The following CELSR3 variants were observed in gnomAD, a reference collection of about 807,000 sequenced individuals.
The protein encoded by CELSR3 is EGF-like protein 1.
In CELSR3, 73 loss-of-function variants were observed where a neutral mutation model predicts 270.0. The observed-to-expected ratio is 0.27, with a 90% CI of 0.22 to 0.33. The LOEUF is 0.33. Among genes scored for constraint, CELSR3 ranks in the 10% least tolerant of loss-of-function variants. The probability of loss-of-function intolerance (pLI) is 1.00; values close to 1 mark genes in which losing one functional copy is unlikely to be tolerated. For synonymous variants in CELSR3, 1,780 were observed against 1,905.4 expected (o/e 0.93, Z 1.71); for missense variants, 3,614 against 4,533.8 (o/e 0.80, Z 5.83).
Position 48,651,492 on chromosome 3 carries a change from A to T in CELSR3, c.6066-13T>A, listed in dbSNP as rs752559636. 1 of 1,613,364 alleles carries T rather than the reference A, an allele frequency of 6.2e-7. No homozygotes were observed. The highest frequency in any genetic ancestry group is 8.5e-7 in the Non-Finnish European group (1 of 1,179,698). ...CTGCTGGTCCATCCTGGGGGTGCAG[A>T]GCCAGGTAAGATGCCTCCACGGTAT... On this transcript the variant is annotated splice_polypyrimidine_tract_variant and intron_variant, in intron 13 of 34. Transcript: ENST00000164024. This position sits in a 1 kb window ranked among gnomAD's most constrained non-coding sequence, Gnocchi z 7.4.
chr3:48,660,606 C>G lies in CELSR3; in HGVS notation c.2029G>C (p.Asp677His). 1 of 1,614,174 alleles carries G rather than the reference C, an allele frequency of 6.2e-7. No individual in the cohort carries two copies. The highest frequency in any genetic ancestry group is 8.5e-7 in the Non-Finnish European group (1 of 1,180,030). Residue 677 changes from aspartate to histidine, a missense_variant, in exon 1 of 35, where the codon GAT becomes CAT. Transcript: ENST00000164024. The surrounding 1 kb of genome is among the most constrained non-coding windows in gnomAD (Gnocchi z 5.5). ...CTGGCATTCTCCCCATGGTCTGCATCGACTGCCTGAATGTGGATGACTGAG... is the reference window on the plus strand; with the variant it reads ...CTGGCATTCTCCCCATGGTCTGCATGGACTGCCTGAATGTGGATGACTGAG... ...GHSVIHIQAV[D>H]ADHGENARLE... is the part of the protein sequence containing the mutation.
chr3:48,645,931 T>A lies in CELSR3; in HGVS notation c.7464-63A>T. ...GTGTCAGGCAGGGGTTTGTGAGAGA[T>A]CATGGGAAGGGCTGAGGGTGCCTGG... On this transcript the variant is annotated intron_variant, in intron 22 of 34. Transcript: ENST00000164024. The surrounding 1 kb of genome is among the most constrained non-coding windows in gnomAD (Gnocchi z 5.4). The A allele has an allele frequency of 6.3e-7, 1 of 1,576,340 alleles. No individual in the cohort carries two copies. The highest frequency in any genetic ancestry group is 8.6e-7 in the Non-Finnish European group (1 of 1,158,146).
Position 48,640,754 on chromosome 3 carries a change from A to G in CELSR3, c.9026-195T>C. 2.5e-6 allele frequency: 1 copy of G among 399,774 alleles called. No individual in the cohort carries two copies. The highest frequency in any genetic ancestry group is 3.0e-5 in the South Asian group (1 of 33,220). The allele number at this position is 399,774 out of a possible 1,614,324, so 24.8% of individuals were successfully genotyped here. The stretch of plus-strand genomic sequence containing the variant: ...AGGACAGGGGTCAGAGTGGAAGGGC[A>G]GTCATCTTCCAGTTGTGGTCCCGGG... On this transcript the variant is annotated intron_variant, in intron 33 of 34. Coordinates refer to ENST00000164024, the MANE Select transcript of CELSR3 (RefSeq NM_001407.3). The surrounding 1 kb of genome is among the most constrained non-coding windows in gnomAD (Gnocchi z 7.5).
At position 48,661,879 on chromosome 3, in the gene CELSR3, C is replaced by T. The variant is rs751477475; in HGVS notation, c.756G>A (p.Ala252=). The part of the protein sequence containing the change: ...GPELDSAPRT[A]RTAPASGSAP... The stretch of plus-strand genomic sequence containing the variant: ...CTGAACCTGATGCAGGAGCTGTCCT[C>T]GCCGTGCGTGGTGCTGAATCCAGCT... The change falls in exon 1 of 35, where the codon GCG becomes GCA. Residue 252 remains alanine, a synonymous_variant. Coordinates refer to ENST00000164024, the MANE Select transcript of CELSR3 (RefSeq NM_001407.3). 17 of 1,611,130 alleles carry T rather than the reference C, an allele frequency of 1.1e-5. No homozygotes were observed. The highest frequency in any genetic ancestry group is 1.0e-5 in the Non-Finnish European group (12 of 1,179,640).
Position 48,644,694 on chromosome 3 carries a change from G to A in CELSR3, c.8085+22C>T, listed in dbSNP as rs1326050654. The stretch of plus-strand genomic sequence containing the variant: ...AATGAGGGAGGGAAGTACAGAGGGG[G>A]CACCAAGTCCAGGGCACTCACCACT... On this transcript the variant is annotated intron_variant, in intron 26 of 34. Transcript: ENST00000164024. The surrounding 1 kb of genome is among the most constrained non-coding windows in gnomAD (Gnocchi z 4.8). 1 of 1,577,252 alleles carries A rather than the reference G, an allele frequency of 6.3e-7. No homozygotes were observed. Among genetic ancestry groups the A allele is most frequent in the South Asian group, 1.1e-5 (1 of 90,238 alleles).
Position 48,656,357 on chromosome 3 carries a change from A to C in CELSR3, c.4408T>G (p.Cys1470Gly). Reference protein sequence around the residue: ...VCRPRFTGEDCELDTEAGRCV... With the variant: ...VCRPRFTGEDGELDTEAGRCV... ...CGGCCGGCCTCGGTGTCCAGCTCGC[A>C]GTCCTCTCCTGGGGGCCAAGCCGCG... Residue 1470 changes from cysteine to glycine, a missense_variant, in exon 3 of 35, where the codon TGC becomes GGC. Transcript: ENST00000164024. 7.0e-7 allele frequency: 1 copy of C among 1,423,158 alleles called. No individual in the cohort carries two copies. Among genetic ancestry groups the C allele is most frequent in the Non-Finnish European group, 9.1e-7 (1 of 1,103,028 alleles). 88.2% of individuals were successfully genotyped at this position (1,423,158 alleles called of 1,614,324 possible).
At position 48,640,233 on chromosome 3, in the gene CELSR3, C is replaced by T; in HGVS notation, c.9352G>A (p.Gly3118Ser). 6.2e-7 allele frequency: 1 copy of T among 1,612,770 alleles called. No homozygotes were observed. The highest frequency in any genetic ancestry group is 8.5e-7 in the Non-Finnish European group (1 of 1,179,926). ...APGRLEPKDR[G>S]STLPRRQPPR... ...GGCTGCCTCCGTGGCAGGGTGCTGC[C>T]CCGATCTTTGGGCTCCAGTCGGCCT... is the stretch of plus-strand genomic sequence containing the variant. The change falls in exon 34 of 35, where the codon GGC becomes AGC. Residue 3118 changes from glycine (G) to serine (S), a missense_variant. Transcript: ENST00000164024. This position sits in a 1 kb window ranked among gnomAD's most constrained non-coding sequence, Gnocchi z 7.5.
In CELSR3 at chr3:48,657,153, A is replaced by T; in HGVS notation, c.3944T>A (p.Ile1315Asn). ...TPAEDVFIFN[I>N]QNDTDVGGTV... ...GCCCCCTACGTCTGTGTCGTTCTGG[A>T]TGTTGAAGATGAAGACGTCCTCAGC... The change falls in exon 2 of 35, where the codon ATC becomes AAC. Residue 1315 changes from isoleucine (I) to asparagine (N), a missense_variant. Ile to Asn is a moderately radical substitution (Grantham distance 149). This residue lies in a region of CELSR3 where 1,331 missense variants were observed against 1,933.7 expected (regional missense o/e 0.69). Coordinates refer to ENST00000164024, the MANE Select transcript of CELSR3 (RefSeq NM_001407.3). This position sits in a 1 kb window ranked among gnomAD's most constrained non-coding sequence, Gnocchi z 5.4. The T allele has an allele frequency of 6.2e-7, 1 of 1,613,968 alleles. No homozygotes were observed. Among genetic ancestry groups the T allele is most frequent in the Non-Finnish European group, 8.5e-7 (1 of 1,179,950 alleles).
chr3:48,659,750 A>G lies in CELSR3; in HGVS notation c.2885T>C (p.Val962Ala). 5 of 1,614,228 alleles carry G rather than the reference A, an allele frequency of 3.1e-6. No individual in the cohort carries two copies. Among genetic ancestry groups the G allele is most frequent in the Non-Finnish European group, 3.4e-6 (4 of 1,180,040 alleles). ...GACCAGCCCTGTATAGTGGGAGGCCACAAATTGTGGAGCATTGTCATTCAC... is the reference window on the plus strand; with the variant it reads ...GACCAGCCCTGTATAGTGGGAGGCCGCAAATTGTGGAGCATTGTCATTCAC... Reference protein sequence around the residue: ...NDVNDNAPQFVASHYTGLVSE... With the variant: ...NDVNDNAPQFAASHYTGLVSE... Residue 962 changes from valine (V) to alanine (A), a missense_variant, in exon 1 of 35, where the codon GTG becomes GCG. Transcript: ENST00000164024. This position sits in a 1 kb window ranked among gnomAD's most constrained non-coding sequence, Gnocchi z 8.1.
In CELSR3 at chr3:48,646,031, T is replaced by C. The variant is rs956529699; in HGVS notation, c.7463+59A>G. ...GGGGGCCCCAGGGGAAGGCTGGGAC[T>C]ATTAGTTGGCCTCCCAAGGGCTAAC... On this transcript the variant is annotated intron_variant, in intron 22 of 34. Transcript: ENST00000164024. This position sits in a 1 kb window ranked among gnomAD's most constrained non-coding sequence, Gnocchi z 4.8. The C allele has an allele frequency of 7.5e-6, 12 of 1,598,258 alleles. No individual in the cohort carries two copies. Among genetic ancestry groups the C allele is most frequent in the Middle Eastern group, 3.3e-4 (2 of 5,996 alleles).
Position 48,643,686 on chromosome 3 carries a change from G to A in CELSR3, c.8166-9C>T. 6.4e-7 allele frequency: 1 copy of A among 1,552,216 alleles called. No homozygotes were observed. Among genetic ancestry groups the A allele is most frequent in the East Asian group, 2.4e-5 (1 of 41,110 alleles). On this transcript the variant is annotated splice_polypyrimidine_tract_variant and intron_variant, in intron 27 of 34. Transcript: ENST00000164024. The stretch of plus-strand genomic sequence containing the variant: ...AGGAGCTGCGAAGGGTCCTGCTGTG[G>A]GGACATGGGAAGACACAGGAGGACA...
In CELSR3 at chr3:48,651,738, G is replaced by T; in HGVS notation, c.5924-20C>A. On this transcript the variant is annotated intron_variant, in intron 12 of 34. Coordinates refer to ENST00000164024, the MANE Select transcript of CELSR3 (RefSeq NM_001407.3). The surrounding 1 kb of genome is among the most constrained non-coding windows in gnomAD (Gnocchi z 7.4). ...AGTAACCTGCAGATTGGGTCAGAAA[G>T]CTCAGGATCCTGGTCGCAGAGCATG... 6.5e-7 allele frequency: 1 copy of T among 1,535,158 alleles called. No homozygotes were observed. The highest frequency in any genetic ancestry group is 1.3e-5 in the South Asian group (1 of 78,126).
Position 48,643,617 on chromosome 3 carries a change from G to A in CELSR3, c.8226C>T (p.Leu2742=). ...CTAGGATGCTGTGGTTGACTGCCAG[G>A]AGCCCAAAGAGCCAGGAGGCACTGA... ...LLVSASWLFG[L]LAVNHSILAF... The change falls in exon 28 of 35, where the codon CTC becomes CTT. Residue 2742 remains leucine, a synonymous_variant. Coordinates refer to ENST00000164024, the MANE Select transcript of CELSR3 (RefSeq NM_001407.3). 5 of 1,551,396 alleles carry A rather than the reference G, an allele frequency of 3.2e-6. No individual in the cohort carries two copies. The highest frequency in any genetic ancestry group is 4.4e-6 in the Non-Finnish European group (5 of 1,147,076).
Position 48,642,909 on chromosome 3 carries a change from G to T in CELSR3, c.8407-25C>A, listed in dbSNP as rs375278314. 6.7e-5 allele frequency: 108 copies of T among 1,611,988 alleles called. 1 individual carries two copies. The South Asian group carries it at 9.2e-4, about 14-fold the overall frequency. On this transcript the variant is annotated intron_variant, in intron 29 of 34. Coordinates refer to ENST00000164024, the MANE Select transcript of CELSR3 (RefSeq NM_001407.3). This position sits in a 1 kb window ranked among gnomAD's most constrained non-coding sequence, Gnocchi z 6.1. ...CCTGGGGGTGGTAGGGACAGAGTGT[G>T]AGCTAACCCTGAAGCAGCCTAAAAC...
Position 48,662,566 on chromosome 3 carries a change from G to A in CELSR3, c.69C>T (p.Leu23=). The change falls in exon 1 of 35, where the codon CTC becomes CTT. Residue 23 remains leucine, a synonymous_variant. Coordinates refer to ENST00000164024, the MANE Select transcript of CELSR3 (RefSeq NM_001407.3). This position sits in a 1 kb window ranked among gnomAD's most constrained non-coding sequence, Gnocchi z 7.1. ...CCTGGCTGAGGGGGAACAAAGAGAG[G>A]AGAAGGAGCAGGAGTATGGGGGTCG... is the stretch of plus-strand genomic sequence containing the variant. ...GRSTPILLLL[L]LSLFPLSQEE... 1 of 1,572,808 alleles carries A rather than the reference G, an allele frequency of 6.4e-7. No homozygotes were observed. Among genetic ancestry groups the A allele is most frequent in the Non-Finnish European group, 8.6e-7 (1 of 1,159,784 alleles).
At chr3:48,656,560 C>A in intron 2 of CELSR3, 138 bp downstream of exon 2, 1 of 1,269,146 alleles carries the variant, frequency 7.9e-7, no homozygotes, top group Non-Finnish European at 1.0e-6. Context: ...CTTCCGGCCA[C>A]GCTCTACGGC....
At position 48,657,326 on chromosome 3, in the gene CELSR3, C is replaced by T. The variant is rs1480400860; in HGVS notation, c.3771G>A (p.Ala1257=). 1.4e-5 allele frequency: 22 copies of T among 1,603,524 alleles called. No homozygotes were observed. Among genetic ancestry groups the T allele is most frequent in the South Asian group, 2.2e-5 (2 of 89,796 alleles). ...TVTDGLHSVT[A]QCVLRVVIIT... Reference sequence around the variant, plus strand: ...TGATGACCACGCGCAGCACACACTGCGCCGTCACGCTGTGCAGGCCATCTG... The same window carrying T: ...TGATGACCACGCGCAGCACACACTGTGCCGTCACGCTGTGCAGGCCATCTG... Residue 1257 remains alanine (A), a synonymous_variant, in exon 2 of 35, where the codon GCG becomes GCA. Coordinates refer to ENST00000164024, the MANE Select transcript of CELSR3 (RefSeq NM_001407.3). The surrounding 1 kb of genome is among the most constrained non-coding windows in gnomAD (Gnocchi z 5.4).
rs1240400818 is a variant in CELSR3 at position 48,658,798 on chromosome 3, A to G, written c.3748+89T>C. On this transcript the variant is annotated intron_variant, in intron 1 of 34. Coordinates refer to ENST00000164024, the MANE Select transcript of CELSR3 (RefSeq NM_001407.3). The surrounding 1 kb of genome is among the most constrained non-coding windows in gnomAD (Gnocchi z 4.7). ...TAAGGGGTTCTTGGAAGGCTTAGAA[A>G]TCCCTCTTTGGTTTGAGGTGCCCTG... 2 of 1,502,008 alleles carry G rather than the reference A, an allele frequency of 1.3e-6. No individual in the cohort carries two copies. The highest frequency in any genetic ancestry group is 1.9e-5 in the Admixed American group (1 of 52,270). 93.0% of individuals were successfully genotyped at this position (1,502,008 alleles called of 1,614,324 possible).
rs981609267 is a variant in CELSR3, at chr3:48,645,306, A to G, written c.7798-97T>C. The G allele has an allele frequency of 5.9e-6, 9 of 1,531,578 alleles. No homozygotes were observed. In the Admixed American group the frequency reaches 1.1e-4, roughly 19 times the overall value. The allele number at this position is 1,531,578 out of a possible 1,614,324, so 94.9% of individuals were successfully genotyped here. On this transcript the variant is annotated intron_variant, in intron 24 of 34. Coordinates refer to ENST00000164024, the MANE Select transcript of CELSR3 (RefSeq NM_001407.3). The surrounding 1 kb of genome is among the most constrained non-coding windows in gnomAD (Gnocchi z 5.4). ...TCCCACCTCTCACCCCTAAACCACA[A>G]TATCTTACCCCAGCATCCTGCTGAA...
Sources: gnomAD v4.1 joint callset for allele counts on GRCh38, gnomAD v4.1.1 for gene constraint, gnomAD v4.1.1 regional missense constraint, Gnocchi (gnomAD v3.1) non-coding constraint, MANE v1.5 for transcripts, NCBI Gene and HGNC (gene_info 2026-07-23, HGNC 2026-07-21) for gene names.